The following MEI4 variants were observed in gnomAD, a reference collection of about 807,000 sequenced individuals.
MEI4 encodes meiotic double-stranded break formation protein 4.
In MEI4, 27 loss-of-function variants were observed where a neutral mutation model predicts 31.4. That is an observed-to-expected ratio of 0.86 (90% CI 0.63 to 1.19). The LOEUF is 1.19. Among genes scored for constraint, MEI4 ranks in the 50% most tolerant of loss-of-function variants. The pLI is 0.00. For synonymous variants in MEI4, 122 were observed against 145.4 expected, an observed-to-expected ratio of 0.84 and a Z score of 1.16; for missense variants, 329 against 398.9, an observed-to-expected ratio of 0.82 and a Z score of 1.49.
At chr6:77,792,513 G>T (rs57134247) in intron 3 of MEI4, among the ~76,000 whole-genome samples, 12 of 152,142 alleles carry the variant, frequency 7.9e-5, no homozygotes, top group African/African-American at 2.9e-4. Flanking sequence ...AAGGTGTGAG[G>T]TGACATCTTT....
At chr6:77,904,772 G>A (rs1310017562) in intron 4 of MEI4, among the ~76,000 whole-genome samples, 1 of 151,886 alleles carries the variant, frequency 6.6e-6, no homozygotes, top group Non-Finnish European at 1.5e-5. Flanking sequence ...AACTTTCATT[G>A]CATAAAGAAA....
chr6:77,716,001 T>C (rs1766574180), intron 2 of MEI4, among the ~76,000 whole-genome samples: 1 of 152,236 alleles, frequency 6.6e-6, no homozygotes, highest in Admixed American at 6.5e-5. Context: ...TCTTTTCACC[T>C]CTGAACTTTT....
Position 77,881,602 on chromosome 6 carries a change from G to A in MEI4, c.901-41487G>A, listed in dbSNP as rs1016421531. Among the ~76,000 whole-genome samples the A allele has an allele frequency of 3.3e-5, 5 of 152,270 alleles. No individual in the cohort carries two copies. In the Middle Eastern group the frequency reaches 0.014, roughly 414 times the overall value. ...GGTTTTAATGGAAAACACAGGGGTA[G>A]ATCTATTTGAATGTGCTCCTCATCT... On this transcript the variant is annotated intron_variant, in intron 4 of 4. Transcript: ENST00000684080.
chr6:77,789,015 T>C lies in MEI4; in HGVS notation c.768+27350T>C, dbSNP rs536129053. Among the ~76,000 whole-genome samples, 16 of 152,308 alleles carry C rather than the reference T, an allele frequency of 1.1e-4. 1 individual carries two copies. In the East Asian group the frequency reaches 3.1e-3, roughly 29 times the overall value. ...CTGACTTCAAACTATACTACAAGGC[T>C]ACAGTAACCAAAATAGCATGGTACT... is the stretch of plus-strand genomic sequence containing the variant. On this transcript the variant is annotated intron_variant, in intron 3 of 4. Coordinates refer to ENST00000684080, the MANE Select transcript of MEI4 (RefSeq NM_001322247.2).
intron 1 of MEI4, among the ~76,000 whole-genome samples, chr6:77,684,100 T>A (rs895285044): frequency 6.6e-6 from 1 of 152,204 alleles, no homozygotes; most frequent in African/African-American, 2.4e-5. Flanking sequence ...GTGGTTTTAA[T>A]TTGCATTTCC....
At chr6:77,756,231 G>T (rs1375164170) in intron 2 of MEI4, among the ~76,000 whole-genome samples, 3 of 152,102 alleles carry the variant, frequency 2.0e-5, no homozygotes, top group African/African-American at 7.2e-5. Flanking sequence ...AAATATTTAT[G>T]ACTATTATCA....
chr6:77,851,589 C>T (rs1429570280), intron 4 of MEI4, among the ~76,000 whole-genome samples: 1 of 130,754 alleles, frequency 7.6e-6, no homozygotes, highest in Non-Finnish European at 1.5e-5. Context: ...ACAATGAGAA[C>T]ACATGGACAC....
At chr6:77,856,136 C>T (rs1292623815) in intron 4 of MEI4, among the ~76,000 whole-genome samples, 3 of 152,248 alleles carry the variant, frequency 2.0e-5, no homozygotes, top group East Asian at 3.9e-4. Context: ...TATCCTGTCT[C>T]TTTAGTGACA....
At chr6:77,687,060 G>T (rs1032989938) in intron 1 of MEI4, among the ~76,000 whole-genome samples, 3 of 151,894 alleles carry the variant, frequency 2.0e-5, no homozygotes, top group African/African-American at 7.3e-5. Flanking sequence ...ATAATGTGTG[G>T]AGTAGCTGTT....
At chr6:77,659,110 C>T (rs1161784518) in intron 1 of MEI4, among the ~76,000 whole-genome samples, 1 of 152,014 alleles carries the variant, frequency 6.6e-6, no homozygotes, top group East Asian at 1.9e-4. Flanking sequence ...AGACAGGCTA[C>T]GGAAGGTCGT....
chr6:77,911,543 T>C (rs1193863019), intron 4 of MEI4, among the ~76,000 whole-genome samples: 1 of 151,952 alleles, frequency 6.6e-6, no homozygotes. Flanking sequence ...CTTCCACTTA[T>C]ATGTGAAAAT....
intron 4 of MEI4, among the ~76,000 whole-genome samples, chr6:77,844,289 C>T (rs898538943): frequency 2.0e-5 from 3 of 152,108 alleles, no homozygotes; most frequent in South Asian, 4.1e-4. Flanking sequence ...TAGAGTTCCT[C>T]GTCACAAAGC....
In MEI4 at chr6:77,925,863, T is replaced by C. The variant is rs533364607; in HGVS notation, c.*2517T>C. ...GAATAAGTAATATTATACATATATA[T>C]ACGATATGTATAATAAATACCAAAT... On this transcript the variant is annotated 3_prime_UTR_variant, in exon 5 of 5. Transcript: ENST00000684080. 1.3e-4 allele frequency: 19 copies of C among 149,648 alleles called. No homozygotes were observed. The highest frequency in any genetic ancestry group is 2.4e-4 in the Non-Finnish European group (16 of 67,490). 9.3% of individuals were successfully genotyped at this position (149,648 alleles called of 1,614,324 possible). A position where few individuals can be genotyped will look rare whatever the true frequency, so the allele number is the denominator to read the frequency against.
intron 4 of MEI4, among the ~76,000 whole-genome samples, chr6:77,910,942 T>C (rs964799250): frequency 1.2e-5 from 1 of 84,410 alleles, no homozygotes; most frequent in Admixed American, 1.2e-4. Context: ...TTTTTTTTTT[T>C]GTCTTCTTAA....
At chr6:77,917,057 G>C (rs1276976168) in intron 4 of MEI4, among the ~76,000 whole-genome samples, 1 of 151,530 alleles carries the variant, frequency 6.6e-6, no homozygotes, top group Admixed American at 6.6e-5. Flanking sequence ...TACTGAGAAT[G>C]ATGATTTCCA....
chr6:77,873,742 A>C (rs554493218), intron 4 of MEI4, among the ~76,000 whole-genome samples: 2 of 152,134 alleles, frequency 1.3e-5, no homozygotes, highest in Non-Finnish European at 2.9e-5. Context: ...TTTTAGGTCT[A>C]ACATGTAAGT....
chr6:77,758,477 G>A (rs1044214057), intron 2 of MEI4, among the ~76,000 whole-genome samples: 5 of 152,130 alleles, frequency 3.3e-5, no homozygotes, highest in African/African-American at 9.7e-5. Flanking sequence ...ACCATATGGT[G>A]GAGAATGTAG....
At chr6:77,666,282 T>C (rs1053469288) in intron 1 of MEI4, among the ~76,000 whole-genome samples, 1 of 152,062 alleles carries the variant, frequency 6.6e-6, no homozygotes, top group Non-Finnish European at 1.5e-5. Flanking sequence ...AGTTCATTGA[T>C]CAGTTAGGGT....
At chr6:77,793,173 C>A (rs1256575061) in intron 3 of MEI4, among the ~76,000 whole-genome samples, 3 of 151,926 alleles carry the variant, frequency 2.0e-5, no homozygotes, top group African/African-American at 7.3e-5. Flanking sequence ...TAATCACATA[C>A]AAGTAAACCT....
Sources: gnomAD v4.1 joint callset for allele counts (sites outside exome capture counted in the v4.1 genomes callset) on GRCh38, gnomAD v4.1.1 for gene constraint, MANE v1.5 for transcripts, NCBI Gene and HGNC (gene_info 2026-07-23, HGNC 2026-07-21) for gene names.